Variants in KANK1 observed in about 807,000 individuals in gnomAD.
The protein encoded by KANK1 is KN motif and ankyrin repeat domains 1.
KANK1 carries 109 observed loss-of-function variants against 106.2 expected under a neutral mutation model. The observed-to-expected ratio is 1.03, with a 90% CI of 0.88 to 1.20. KANK1 has a LOEUF of 1.20. Among genes scored for constraint, KANK1 ranks in the 50% most tolerant of loss-of-function variants. KANK1 has a pLI of 0.00. For synonymous variants in KANK1, 873 were observed against 652.2 expected, an observed-to-expected ratio of 1.34 and a Z score of -5.16; for missense variants, 2,399 against 1,710.7, an observed-to-expected ratio of 1.40 and a Z score of -7.10.
At position 667,345 on chromosome 9, in the gene KANK1, GT is replaced by G. The variant is rs771050932; in HGVS notation, c.-83-9536del. 4.1e-4 allele frequency among the ~76,000 whole-genome samples: 62 copies of G among 150,282 alleles called. 1 individual carries two copies. The highest frequency in any genetic ancestry group is 1.4e-3 in the African/African-American group (58 of 40,970). The stretch of plus-strand genomic sequence containing the variant: ...AGTTAGTCTTGCTAAAGTTTTGTCA[GT>G]TTTTTTTTAACTAAACTTTTGTTTT... On this transcript the variant is annotated intron_variant, in intron 1 of 11. Transcript: ENST00000382297.
chr9:662,377 T>A (rs187438651), intron 1 of KANK1, among the ~76,000 whole-genome samples: 1 of 152,144 alleles, frequency 6.6e-6, no homozygotes, highest in Admixed American at 6.5e-5. Context: ...AAGACAGTCC[T>A]AAGCAAAAAG....
At chr9:675,272 G>A (rs1563968785) in intron 1 of KANK1, among the ~76,000 whole-genome samples, 2 of 152,116 alleles carry the variant, frequency 1.3e-5, no homozygotes, top group Non-Finnish European at 2.9e-5. Context: ...TAGAATTAGT[G>A]TATACAGATA....
Position 713,356 on chromosome 9 carries a change from T to C in KANK1, c.2590T>C (p.Ser864Pro). 6.2e-7 allele frequency: 1 copy of C among 1,614,146 alleles called. No homozygotes were observed. The highest frequency in any genetic ancestry group is 1.1e-5 in the South Asian group (1 of 91,078). The change falls in exon 3 of 12, where the codon TCT becomes CCT. Residue 864 changes from serine to proline, a missense_variant. By Grantham distance (74) the Ser-to-Pro change is moderately conservative (BLOSUM62 -1). Coordinates refer to ENST00000382297, the MANE Select transcript of KANK1 (RefSeq NM_015158.5). Reference protein sequence around the residue: ...EPHSQMGSLNSQLISTLSSIN... With the variant: ...EPHSQMGSLNPQLISTLSSIN... ...TCACTCACAGATGGGCTCCCTCAAC[T>C]CTCAGCTCATCAGCACCCTGTCGTC...
chr9:512,518 A>G (rs1239590673), intron 1 of KANK1, among the ~76,000 whole-genome samples: 1 of 152,086 alleles, frequency 6.6e-6, no homozygotes, highest in Non-Finnish European at 1.5e-5. Context: ...TTAAATGTGA[A>G]TCTCATCCAA....
At chr9:673,653 G>T (rs1216020482) in intron 1 of KANK1, 1 of 152,186 alleles carries the variant, frequency 6.6e-6, no homozygotes, top group African/African-American at 2.4e-5. Context: ...CCAGATGAAA[G>T]AGTTTCAATA....
intron 3 of KANK1, among the ~76,000 whole-genome samples, chr9:727,267 A>T (rs1362699172): frequency 6.6e-6 from 1 of 152,178 alleles, no homozygotes; most frequent in African/African-American, 2.4e-5. Context: ...TTTAAAAGTG[A>T]TTTTGAACAC....
intron 3 of KANK1, among the ~76,000 whole-genome samples, chr9:479,265 C>G (rs1382157748): frequency 6.6e-6 from 1 of 152,154 alleles, no homozygotes; most frequent in Non-Finnish European, 1.5e-5. Flanking sequence ...CTTGTCATTG[C>G]AAGTATCATA....
At chr9:660,255 A>G in intron 1 of KANK1, 1 of 241,872 alleles carries the variant, frequency 4.1e-6, no homozygotes, top group East Asian at 1.0e-4. Flanking sequence ...TGACCAGCAC[A>G]AGAACATGTG....
At chr9:567,782 C>A (rs1349668287) in intron 1 of KANK1, among the ~76,000 whole-genome samples, 2 of 152,176 alleles carry the variant, frequency 1.3e-5, no homozygotes, top group Admixed American at 6.5e-5. Context: ...TTATTGGTTA[C>A]CCAGGGAGAT....
intron 1 of KANK1, among the ~76,000 whole-genome samples, chr9:614,636 G>C (rs187923323): frequency 5.3e-5 from 8 of 152,032 alleles, no homozygotes; most frequent in African/African-American, 1.9e-4. Flanking sequence ...TGCCGGAAGT[G>C]CCCCTCAGAC....
chr9:504,204 G>A (rs565617740), upstream of KANK1, among the ~76,000 whole-genome samples: 20 of 152,320 alleles, frequency 1.3e-4, no homozygotes, highest in South Asian at 3.7e-3. Flanking sequence ...TGGGAGCACC[G>A]CACCGTCTCA....
chr9:683,187 C>T (rs1817907535), intron 2 of KANK1, among the ~76,000 whole-genome samples: 2 of 152,166 alleles, frequency 1.3e-5, no homozygotes, highest in African/African-American at 4.8e-5. Flanking sequence ...TGATTAGAAA[C>T]TATGGCTGCT....
intron 1 of KANK1, among the ~76,000 whole-genome samples, chr9:663,898 C>T (rs1362099026): frequency 1.3e-5 from 2 of 152,122 alleles, no homozygotes; most frequent in Non-Finnish European, 2.9e-5. Context: ...AGGTTGAACA[C>T]ACTCATGCCC....
intron 1 of KANK1, among the ~76,000 whole-genome samples, chr9:507,394 A>AC (rs1342458421): frequency 6.6e-6 from 1 of 151,150 alleles, no homozygotes; most frequent in Non-Finnish European, 1.5e-5. Context: ...CATATCCCAC[A>AC]CCCCCAGCCC....
intron 3 of KANK1, among the ~76,000 whole-genome samples, chr9:499,051 G>A (rs553700044): frequency 4.6e-5 from 7 of 151,974 alleles, no homozygotes; most frequent in East Asian, 3.9e-4. Flanking sequence ...GGTGGCGAGC[G>A]CCTGTAGTCC....
chr9:495,394 C>T (rs770236014), intron 3 of KANK1: 1 of 152,198 alleles, frequency 6.6e-6, no homozygotes, highest in Non-Finnish European at 1.5e-5. Context: ...TCTTACGTAA[C>T]CAGATCCTAT....
At chr9:638,731 C>T (rs930669635) in intron 1 of KANK1, among the ~76,000 whole-genome samples, 2 of 152,152 alleles carry the variant, frequency 1.3e-5, no homozygotes, top group East Asian at 3.9e-4. Flanking sequence ...TGAAGAGGCA[C>T]TTGGTTCCTT....
chr9:676,349 G>A lies in KANK1; in HGVS notation c.-83-541G>A, dbSNP rs1426776492. 2.0e-5 allele frequency among the ~76,000 whole-genome samples: 3 copies of A among 152,166 alleles called. No individual in the cohort carries two copies. In the East Asian group the frequency reaches 5.8e-4, roughly 29 times the overall value. On this transcript the variant is annotated intron_variant, in intron 1 of 11. Transcript: ENST00000382297. ...AATGAATTTTTGTTTAAGAGGAGGA[G>A]GACTGACTGGATCAGATTTGTGCTT...
intron 11 of KANK1, 60 bp from the exon 12 acceptor site, chr9:745,113 G>T: frequency 6.3e-7 from 1 of 1,598,928 alleles, no homozygotes; most frequent in South Asian, 1.1e-5. Flanking sequence ...ATGTCACAGG[G>T]TACACATCTG....
Sources: allele counts gnomAD v4.1 joint callset (sites outside exome capture counted in the v4.1 genomes callset), GRCh38; gene constraint gnomAD v4.1.1; transcripts MANE v1.5; gene names NCBI Gene and HGNC (gene_info 2026-07-23, HGNC 2026-07-21).